Variants in AGBL5 observed in about 807,000 individuals in gnomAD.
AGBL5 encodes the protein AGBL carboxypeptidase 5.
A neutral mutation model predicts 88.0 loss-of-function variants in AGBL5; 51 were observed. That is an observed-to-expected ratio of 0.58 (90% CI 0.46 to 0.73). The LOEUF (loss-of-function observed/expected upper bound fraction) is 0.73, where lower values mean the gene tolerates loss of function less well. AGBL5 is among the 30% of genes least tolerant of loss of function. AGBL5 has a pLI of 0.00. For synonymous variants in AGBL5, 446 were observed against 438.8 expected (o/e 1.02, Z -0.21); for missense variants, 1,031 against 1,162.2 (o/e 0.89, Z 1.64).
At chr2:27,068,100 A>G (rs1669085304) in intron 12 of AGBL5, among the ~76,000 whole-genome samples, 1 of 152,234 alleles carries the variant, frequency 6.6e-6, no homozygotes, top group African/African-American at 2.4e-5. Flanking sequence ...ACCCAGCTAT[A>G]TAAAGAAAGG....
At chr2:27,050,836 T>TA (rs1330613772), upstream of AGBL5, among the ~76,000 whole-genome samples, 1 of 152,190 alleles carries the variant, frequency 6.6e-6, no homozygotes. Context: ...GGCGTGGCAA[T>TA]CCTTAGGTCG....
chr2:27,060,163 A>G (rs1300638270), intron 11 of AGBL5, among the ~76,000 whole-genome samples: 2 of 152,194 alleles, frequency 1.3e-5, no homozygotes, highest in Non-Finnish European at 2.9e-5. Context: ...AAAGAAAAGA[A>G]AGTGATATCA....
chr2:27,066,547 C>T (rs1265254959), intron 11 of AGBL5, among the ~76,000 whole-genome samples: 1 of 152,094 alleles, frequency 6.6e-6, no homozygotes, highest in African/African-American at 2.4e-5. Flanking sequence ...GTGGGGAAGA[C>T]TTGACATTTA....
At position 27,054,827 on chromosome 2, in the gene AGBL5, A is replaced by AG; in HGVS notation, c.729+22dup. ...AAGAGGGTGAGTGGAAATAGCATAA[A>AG]GGTAGTTCTTTGGCTTTTCTCTAGC... On this transcript the variant is annotated intron_variant, in intron 5 of 14. Coordinates refer to ENST00000360131, the MANE Select transcript of AGBL5 (RefSeq NM_021831.6). The AG allele has an allele frequency of 6.2e-7, 1 of 1,604,472 alleles. No individual in the cohort carries two copies. Among genetic ancestry groups the AG allele is most frequent in the South Asian group, 1.1e-5 (1 of 90,050 alleles).
At chr2:27,060,422 G>A (rs1296552559) in intron 11 of AGBL5, among the ~76,000 whole-genome samples, 1 of 152,210 alleles carries the variant, frequency 6.6e-6, no homozygotes, top group East Asian at 1.9e-4. Context: ...ATTGCGGAGG[G>A]GGAGAGATTG....
At chr2:27,064,741 T>C (rs13391244) in intron 11 of AGBL5, among the ~76,000 whole-genome samples, 42,971 of 137,570 alleles carry the variant, frequency 0.31, 7,326 homozygotes, top group African/African-American at 0.38. Flanking sequence ...TTTTCCATTT[T>C]GGTTTGGAAC....
intron 13 of AGBL5, chr2:27,068,985 C>T (rs1205662453): frequency 1.4e-6 from 2 of 1,465,596 alleles, no homozygotes; most frequent in Middle Eastern, 1.8e-4. Flanking sequence ...ATACCCCAAC[C>T]TTAGCCTGCT....
intron 9 of AGBL5, 115 bp downstream of exon 9, chr2:27,057,553 C>A: frequency 8.2e-7 from 1 of 1,226,128 alleles, no homozygotes; most frequent in Non-Finnish European, 1.1e-6. Context: ...CTATGGCCGT[C>A]TCACCACTAT....
upstream of AGBL5, chr2:27,051,347 G>A (rs771882292): frequency 2.6e-5 from 4 of 152,222 alleles, no homozygotes; most frequent in Non-Finnish European, 5.9e-5. Flanking sequence ...CGGCGCAGTG[G>A]GCTACGTGTT....
chr2:27,056,805 C>G lies in AGBL5; in HGVS notation c.1535+13C>G. On this transcript the variant is annotated intron_variant, in intron 8 of 14. Coordinates refer to ENST00000360131, the MANE Select transcript of AGBL5 (RefSeq NM_021831.6). ...GGATAATCCACAGGTTGGGTGGAAG[C>G]TGAGATATAGTTGATGAAATAGCTT... The G allele has an allele frequency of 1.3e-6, 2 of 1,589,048 alleles. No individual in the cohort carries two copies. The highest frequency in any genetic ancestry group is 1.7e-6 in the Non-Finnish European group (2 of 1,164,476).
upstream of AGBL5, among the ~76,000 whole-genome samples, chr2:27,050,682 G>T (rs975250015): frequency 6.6e-6 from 1 of 152,236 alleles, no homozygotes; most frequent in African/African-American, 2.4e-5. Flanking sequence ...TGGGTCTCCT[G>T]CCCTGGCAGG....
At chr2:27,058,035 G>A (rs562954744) in intron 9 of AGBL5, among the ~76,000 whole-genome samples, 5 of 151,300 alleles carry the variant, frequency 3.3e-5, no homozygotes, top group Non-Finnish European at 4.4e-5. Context: ...GAGATCACAC[G>A]CCACTGTACT....
chr2:27,062,863 GCCAAGCCCGTCA>G lies in AGBL5; in HGVS notation c.2089+3465_2089+3476del, dbSNP rs1433049139. On this transcript the variant is annotated intron_variant, in intron 11 of 14. Transcript: ENST00000360131. The stretch of plus-strand genomic sequence containing the variant: ...GTGTACCTAGGTGGGTATGCAAAAG[GCCAAGCCCGTCA>G]CCAAGGATATTAGGTGAAGAGAGCA... The G allele has an allele frequency of 3.3e-5, 5 of 152,350 alleles. No individual in the cohort carries two copies. The East Asian group carries it at 9.6e-4, about 29-fold the overall frequency. 9.4% of individuals were successfully genotyped at this position (152,350 alleles called of 1,614,324 possible). A position where few individuals can be genotyped will look rare whatever the true frequency, so the allele number is the denominator to read the frequency against.
rs534435290 is a variant in AGBL5, at chr2:27,058,406, C to A, written c.1678C>A (p.Arg560=). Residue 560 remains arginine, a synonymous_variant, in exon 10 of 15, where the codon CGA becomes AGA. Coordinates refer to ENST00000360131, the MANE Select transcript of AGBL5 (RefSeq NM_021831.6). Reference sequence around the variant, plus strand: ...AAACTGGACTACCCCACAGGTGGGACGAGCTATGGCCATTGCAGCCCTGGA... The same window carrying A: ...AAACTGGACTACCCCACAGGTGGGAAGAGCTATGGCCATTGCAGCCCTGGA... ...YTVELFEQVG[R]AMAIAALDMA... 7.1e-5 allele frequency: 114 copies of A among 1,612,746 alleles called. No individual in the cohort carries two copies. The highest frequency in any genetic ancestry group is 9.1e-5 in the Non-Finnish European group (107 of 1,180,020).
chr2:27,061,498 T>A (rs1318017200), intron 11 of AGBL5: 1 of 152,170 alleles, frequency 6.6e-6, no homozygotes, highest in East Asian at 1.9e-4. Flanking sequence ...CCTCCCAAAG[T>A]GTTGGAATTA....
Position 27,053,068 on chromosome 2 carries a change from G to A in AGBL5, c.110G>A (p.Gly37Asp). Residue 37 changes from glycine (G) to aspartate (D), a missense_variant, in exon 2 of 15, where the codon GGT becomes GAT. By Grantham distance (94) the Gly-to-Asp change is moderately conservative. This residue lies in a region of AGBL5 where 540 missense variants were observed against 678.2 expected (regional missense o/e 0.80). Transcript: ENST00000360131. This position sits in a 1 kb window ranked among gnomAD's most constrained non-coding sequence, Gnocchi z 4.9. Reference protein sequence around the residue: ...SLSSDGEGVGGGASALTSGIA... With the variant: ...SLSSDGEGVGDGASALTSGIA... ...TCCAGTGATGGGGAAGGGGTAGGAG[G>A]TGGGGCGTCAGCCCTGACCAGTGGC... 1 of 1,613,826 alleles carries A rather than the reference G, an allele frequency of 6.2e-7. No individual in the cohort carries two copies.
chr2:27,050,459 G>A (rs927449118), upstream of AGBL5, among the ~76,000 whole-genome samples: 7 of 152,222 alleles, frequency 4.6e-5, no homozygotes, highest in Admixed American at 3.3e-4. Flanking sequence ...CAGGTACCGC[G>A]GCACAAGCGC....
At position 27,053,427 on chromosome 2, in the gene AGBL5, G is replaced by A. The variant is rs759641961; in HGVS notation, c.241G>A (p.Gly81Arg). Residue 81 changes from glycine to arginine, a missense_variant, in exon 3 of 15, where the codon GGA (glycine) becomes AGA (arginine). Coordinates refer to ENST00000360131, the MANE Select transcript of AGBL5 (RefSeq NM_021831.6). This position sits in a 1 kb window ranked among gnomAD's most constrained non-coding sequence, Gnocchi z 4.9. The stretch of plus-strand genomic sequence containing the variant: ...GTCATGGTTCTACTTCAGCGTCCGG[G>A]GAGGAATGCCAGGAAAACTCATCAA... ...NRSWFYFSVRGGMPGKLIKIN... is the reference protein window; with the variant it reads ...NRSWFYFSVRRGMPGKLIKIN... 4 of 1,614,092 alleles carry A rather than the reference G, an allele frequency of 2.5e-6. No homozygotes were observed. The Admixed American group carries it at 6.7e-5, about 27-fold the overall frequency.
At chr2:27,054,594 G>A in intron 4 of AGBL5, 36 bp from the exon 5 acceptor site, 1 of 1,593,094 alleles carries the variant, frequency 6.3e-7, no homozygotes. Context: ...TAGGACTTTA[G>A]GGACTTCTCC....
Sources: gnomAD v4.1 joint callset for allele counts (sites outside exome capture counted in the v4.1 genomes callset) on GRCh38, gnomAD v4.1.1 for gene constraint, gnomAD v4.1.1 regional missense constraint, Gnocchi (gnomAD v3.1) non-coding constraint, MANE v1.5 for transcripts, NCBI Gene and HGNC (gene_info 2026-07-23, HGNC 2026-07-21) for gene names.